The following EDIL3 variants were observed in gnomAD, a reference collection of about 807,000 sequenced individuals.
EDIL3 encodes EGF-like repeat and discoidin I-like domain-containing protein 3.
A neutral mutation model predicts 67.4 loss-of-function variants in EDIL3; 37 were observed. The observed-to-expected ratio is 0.55, with a 90% confidence interval of 0.42 to 0.72. The LOEUF (loss-of-function observed/expected upper bound fraction) is 0.72, where lower values mean the gene tolerates loss of function less well. EDIL3 is among the 30% of genes least tolerant of loss of function. The probability of loss-of-function intolerance (pLI) is 0.00; values close to 1 mark genes in which losing one functional copy is unlikely to be tolerated. For missense variants in EDIL3, 527 were observed against 586.3 expected, an observed-to-expected ratio of 0.90 and a Z score of 1.04; for synonymous variants, 195 against 196.3, an observed-to-expected ratio of 0.99 and a Z score of 0.05.
intron 5 of EDIL3, 93 bp downstream of exon 5, chr5:84,137,148 A>T (rs564388300): frequency 2.9e-5 from 24 of 841,994 alleles, no homozygotes; most frequent in Admixed American, 1.5e-4. Flanking sequence ...TGTACATAAA[A>T]ATATATATGC....
intron 1 of EDIL3, among the ~76,000 whole-genome samples, chr5:84,264,194 C>T (rs1367300347): frequency 2.0e-5 from 3 of 152,066 alleles, no homozygotes; most frequent in Admixed American, 6.6e-5. Flanking sequence ...TGCAGCGAGC[C>T]GAGACTGTGC....
At chr5:84,064,258 A>G (rs951328076) in intron 8 of EDIL3, among the ~76,000 whole-genome samples, 2 of 150,226 alleles carry the variant, frequency 1.3e-5, no homozygotes, top group African/African-American at 5.1e-5. Flanking sequence ...ACAGACAAAG[A>G]TAAAGTTCTT....
rs191761711 is a variant in EDIL3 at position 84,031,655 on chromosome 5, G to A, written c.1137+28645C>T. ...AAGAAGATGGTCATCTAGGAACCACGAAGAGTGTCCTCACCAGAACCCTAC... is the reference window on the plus strand; with the variant it reads ...AAGAAGATGGTCATCTAGGAACCACAAAGAGTGTCCTCACCAGAACCCTAC... On this transcript the variant is annotated intron_variant, in intron 9 of 10. Transcript: ENST00000296591. Among the ~76,000 whole-genome samples, 336 of 152,266 alleles carry A rather than the reference G, an allele frequency of 2.2e-3. 1 individual carries two copies. Among genetic ancestry groups the A allele is most frequent in the African/African-American group, 7.6e-3 (315 of 41,574 alleles).
chr5:84,197,187 G>A (rs1743728113), intron 3 of EDIL3, among the ~76,000 whole-genome samples: 1 of 151,976 alleles, frequency 6.6e-6, no homozygotes, highest in Admixed American at 6.6e-5. Context: ...TATGTGCCAA[G>A]GGAGATTATA....
chr5:83,984,974 CACA>C (rs1745034358), intron 9 of EDIL3, among the ~76,000 whole-genome samples: 1 of 151,082 alleles, frequency 6.6e-6, no homozygotes, highest in African/African-American at 2.4e-5. Context: ...CACACACACA[CACA>C]CCCCATAAAC....
intron 3 of EDIL3, among the ~76,000 whole-genome samples, chr5:84,221,813 T>A (rs889293204): frequency 1.3e-5 from 2 of 151,960 alleles, no homozygotes; most frequent in African/African-American, 4.8e-5. Context: ...GTAAAGTTGC[T>A]CCAGGCACTA....
rs557411175 is a variant in EDIL3, at chr5:84,383,983, G to T, written c.67+325C>A. Among the ~76,000 whole-genome samples, 2 of 152,136 alleles carry T rather than the reference G, an allele frequency of 1.3e-5. 1 individual carries two copies. The highest frequency in any genetic ancestry group is 4.1e-4 in the South Asian group (2 of 4,826). ...CAGCATCGCCCGCACTGCCTAGGGA[G>T]GGTTTGCGCCGAGACCCAGTGGCCG... On this transcript the variant is annotated intron_variant, in intron 1 of 10. Transcript: ENST00000296591.
chr5:84,219,195 G>A (rs952024210), intron 3 of EDIL3, among the ~76,000 whole-genome samples: 5 of 152,188 alleles, frequency 3.3e-5, no homozygotes, highest in African/African-American at 1.2e-4. Flanking sequence ...GAAAGTAGGG[G>A]AAGAGATCCT....
chr5:84,008,392 TCA>T (rs1307837833), intron 9 of EDIL3, among the ~76,000 whole-genome samples: 1 of 151,956 alleles, frequency 6.6e-6, no homozygotes, highest in East Asian at 1.9e-4. Flanking sequence ...TCAAAATACC[TCA>T]CATATATCTC....
At chr5:83,994,306 C>T (rs989573037) in intron 9 of EDIL3, among the ~76,000 whole-genome samples, 7 of 151,778 alleles carry the variant, frequency 4.6e-5, no homozygotes, top group African/African-American at 1.7e-4. Flanking sequence ...ATTTTGATTA[C>T]TTTATCAAGT....
At chr5:83,947,866 C>A (rs150818616) in intron 10 of EDIL3, among the ~76,000 whole-genome samples, 1 of 151,808 alleles carries the variant, frequency 6.6e-6, no homozygotes, top group Non-Finnish European at 1.5e-5. Context: ...TCAACTTCAG[C>A]GCTCTAGGCT....
chr5:84,084,727 G>C (rs1476826442), intron 6 of EDIL3, among the ~76,000 whole-genome samples: 1 of 152,094 alleles, frequency 6.6e-6, no homozygotes, highest in African/African-American at 2.4e-5. Context: ...CTTTGCACTT[G>C]TCACATGTAT....
At chr5:84,048,566 T>A (rs1746272149) in intron 9 of EDIL3, among the ~76,000 whole-genome samples, 1 of 152,026 alleles carries the variant, frequency 6.6e-6, no homozygotes, top group African/African-American at 2.4e-5. Flanking sequence ...TACCTTAAAT[T>A]AGCAAATGTC....
At chr5:84,366,545 A>T (rs1747738652) in intron 1 of EDIL3, among the ~76,000 whole-genome samples, 1 of 152,174 alleles carries the variant, frequency 6.6e-6, no homozygotes, top group African/African-American at 2.4e-5. Context: ...TTTCTTTCAC[A>T]TTATTCTATA....
At chr5:83,947,369 C>CTGTGTGTGTG (rs34059015) in intron 10 of EDIL3, among the ~76,000 whole-genome samples, 104 of 129,540 alleles carry the variant, frequency 8.0e-4, no homozygotes, top group African/African-American at 2.8e-3. Flanking sequence ...GTGTCTGTGT[C>CTGTGTGTGTG]TGTGTGTGTG....
At chr5:84,222,314 T>C (rs959143420) in intron 3 of EDIL3, among the ~76,000 whole-genome samples, 4 of 151,902 alleles carry the variant, frequency 2.6e-5, no homozygotes, top group Non-Finnish European at 4.4e-5. Flanking sequence ...TTATTAACCT[T>C]TGTATATGAA....
chr5:84,249,507 T>A (rs948927648), intron 2 of EDIL3, among the ~76,000 whole-genome samples: 6 of 152,062 alleles, frequency 3.9e-5, no homozygotes, highest in African/African-American at 1.4e-4. Flanking sequence ...ATTTGTCTCA[T>A]CATCTAAACA....
chr5:84,018,552 A>G (rs1745649726), intron 9 of EDIL3, among the ~76,000 whole-genome samples: 1 of 152,118 alleles, frequency 6.6e-6, no homozygotes, highest in South Asian at 2.1e-4. Flanking sequence ...TCTACTATCA[A>G]GAGTCAAAAA....
intron 9 of EDIL3, among the ~76,000 whole-genome samples, chr5:84,010,053 GCGGACT>G (rs1312999570): frequency 6.6e-6 from 1 of 152,210 alleles, no homozygotes; most frequent in Non-Finnish European, 1.5e-5. Flanking sequence ...CACACAGCTA[GCGGACT>G]CAAAGCACAG....
Sources: gnomAD v4.1 joint callset for allele counts (sites outside exome capture counted in the v4.1 genomes callset) on GRCh38, gnomAD v4.1.1 for gene constraint, MANE v1.5 for transcripts, NCBI Gene and HGNC (gene_info 2026-07-23, HGNC 2026-07-21) for gene names.